The following XKR9 variants were observed in gnomAD, a reference collection of about 807,000 sequenced individuals.
The protein encoded by XKR9 is XK-related protein 9.
A neutral mutation model predicts 32.0 loss-of-function variants in XKR9; 32 were observed. The observed-to-expected ratio is 1.00, with a 90% confidence interval of 0.76 to 1.34. The LOEUF (loss-of-function observed/expected upper bound fraction) is 1.34, where lower values mean the gene tolerates loss of function less well. Ranked by LOEUF, XKR9 falls within the 40% of genes most tolerant of loss-of-function variation. The pLI is 0.00. For missense variants in XKR9, 546 were observed against 429.7 expected, an observed-to-expected ratio of 1.27 and a Z score of -2.39; for synonymous variants, 168 against 143.4, an observed-to-expected ratio of 1.17 and a Z score of -1.22.
At chr8:70,756,232 T>G (rs959143008) in intron 2 of XKR9, among the ~76,000 whole-genome samples, 2 of 152,242 alleles carry the variant, frequency 1.3e-5, no homozygotes, top group Non-Finnish European at 2.9e-5. Flanking sequence ...TCTATATATC[T>G]GTTCTTTTGT....
At chr8:70,982,841 T>C in the XKR9 span, among the ~76,000 whole-genome samples, 2 of 152,228 alleles carry the variant, frequency 1.3e-5, no homozygotes, top group African/African-American at 4.8e-5. Flanking sequence ...TTAATCTGAA[T>C]CATCTCTCTA....
At chr8:70,834,470 A>G in the XKR9 span, among the ~76,000 whole-genome samples, 1 of 152,100 alleles carries the variant, frequency 6.6e-6, no homozygotes, top group African/African-American at 2.4e-5. Flanking sequence ...TGATTCTCCT[A>G]TCCTGTTGCA....
the XKR9 span, among the ~76,000 whole-genome samples, chr8:71,040,862 C>T: frequency 9.2e-5 from 14 of 152,032 alleles, no homozygotes; most frequent in African/African-American, 3.4e-4. Flanking sequence ...GGTTGGATTG[C>T]TGTCCTTGTG....
chr8:71,060,695 GA>G, the XKR9 span, among the ~76,000 whole-genome samples: 1 of 151,624 alleles, frequency 6.6e-6, no homozygotes, highest in African/African-American at 2.4e-5. Context: ...GCATGCCCTA[GA>G]AAAAAAACAA....
chr8:70,911,996 C>A, the XKR9 span, among the ~76,000 whole-genome samples: 1 of 152,114 alleles, frequency 6.6e-6, no homozygotes, highest in Non-Finnish European at 1.5e-5. Flanking sequence ...TAAGTCAACA[C>A]CTGAAAGATG....
Position 70,733,898 on chromosome 8 carries a change from T to G in XKR9, c.596T>G (p.Leu199Ter), listed in dbSNP as rs371488104. Residue 199 changes from leucine to a stop codon, truncating the protein, a stop_gained, in exon 5 of 5, where the codon TTA becomes TGA. Coordinates refer to ENST00000408926, the MANE Select transcript of XKR9 (RefSeq NM_001011720.2). LOFTEE classifies it high-confidence loss of function. ...SLPDKKLLNGLCPKITYLFYK... is the reference protein window; with the variant it reads ...SLPDKKLLNG ...CCTGACAAAAAGCTTCTTAATGGAT[T>G]ATGTCCCAAAATCACATATCTCTTT... 17 of 1,612,784 alleles carry G rather than the reference T, an allele frequency of 1.1e-5. No individual in the cohort carries two copies. Among genetic ancestry groups the G allele is most frequent in the Middle Eastern group, 1.7e-4 (1 of 6,054 alleles).
intron 2 of XKR9, among the ~76,000 whole-genome samples, chr8:70,759,033 A>T (rs1807268793): frequency 6.6e-6 from 1 of 152,240 alleles, no homozygotes; most frequent in Non-Finnish European, 1.5e-5. Context: ...TATATTATGC[A>T]AATGACTATT....
chr8:70,786,948 G>C (rs6993115), intron 2 of XKR9, among the ~76,000 whole-genome samples: 61,376 of 151,872 alleles, frequency 0.4, 13,938 homozygotes, highest in Non-Finnish European at 0.52. Context: ...AGTATTTTTG[G>C]TTTGTGGTTA....
At chr8:70,921,981 T>G in the XKR9 span, among the ~76,000 whole-genome samples, 1 of 152,158 alleles carries the variant, frequency 6.6e-6, no homozygotes, top group Non-Finnish European at 1.5e-5. Context: ...GAAGTGACTT[T>G]GTAATGACTG....
chr8:70,882,936 C>T, the XKR9 span, among the ~76,000 whole-genome samples: 5 of 149,088 alleles, frequency 3.4e-5, no homozygotes. Flanking sequence ...CTTATTCTCC[C>T]CCTGAACCTT....
At chr8:70,962,431 G>T in the XKR9 span, among the ~76,000 whole-genome samples, 1 of 152,056 alleles carries the variant, frequency 6.6e-6, no homozygotes, top group Non-Finnish European at 1.5e-5. Flanking sequence ...CCATTGTTTA[G>T]CTGCCACTTA....
chr8:70,758,033 A>AT (rs781599453), intron 2 of XKR9, among the ~76,000 whole-genome samples: 1 of 151,886 alleles, frequency 6.6e-6, no homozygotes, highest in Non-Finnish European at 1.5e-5. Flanking sequence ...TTGCCTCATA[A>AT]TTTTTTGTTG....
intron 2 of XKR9, among the ~76,000 whole-genome samples, chr8:70,781,449 A>G (rs780317386): frequency 9.2e-5 from 14 of 151,436 alleles, no homozygotes; most frequent in Admixed American, 2.0e-4. Flanking sequence ...ACAGGGTGAT[A>G]TTCCGATACA....
Position 70,688,210 on chromosome 8 carries a change from G to T in XKR9, c.272+6880G>T, listed in dbSNP as rs141275520. ...TGGTCAAATCTTCAGAAGTATATTA[G>T]TAGAAACAGAGGTAGACCCTGGGAG... is the stretch of plus-strand genomic sequence containing the variant. On this transcript the variant is annotated intron_variant, in intron 3 of 4. Transcript: ENST00000408926. Among the ~76,000 whole-genome samples the T allele has an allele frequency of 3.6e-4, 55 of 152,280 alleles. No individual in the cohort carries two copies. The East Asian group carries it at 0.01, about 28-fold the overall frequency.
chr8:70,983,052 A>G, the XKR9 span, among the ~76,000 whole-genome samples: 2 of 152,150 alleles, frequency 1.3e-5, no homozygotes, highest in Non-Finnish European at 2.9e-5. Context: ...TTAAATTCTC[A>G]AATATGAAGT....
chr8:71,003,672 T>G, the XKR9 span, among the ~76,000 whole-genome samples: 1 of 152,180 alleles, frequency 6.6e-6, no homozygotes, highest in Non-Finnish European at 1.5e-5. Flanking sequence ...TTGATAAATA[T>G]TGGTTAAGTG....
At chr8:70,831,681 A>T in the XKR9 span, among the ~76,000 whole-genome samples, 1 of 152,112 alleles carries the variant, frequency 6.6e-6, no homozygotes, top group African/African-American at 2.4e-5. Flanking sequence ...TATGAAACTT[A>T]TATTCAGATT....
At chr8:71,046,890 C>G in the XKR9 span, among the ~76,000 whole-genome samples, 1 of 152,142 alleles carries the variant, frequency 6.6e-6, no homozygotes, top group Non-Finnish European at 1.5e-5. Context: ...TCCTTTGAGT[C>G]CTCTTCATCT....
chr8:70,752,978 G>A (rs1807163887), intron 2 of XKR9, among the ~76,000 whole-genome samples: 1 of 152,180 alleles, frequency 6.6e-6, no homozygotes, highest in Admixed American at 6.5e-5. Context: ...GAATCCAGGA[G>A]CTGATTTTTT....
Sources: gnomAD v4.1 joint callset for allele counts (sites outside exome capture counted in the v4.1 genomes callset) on GRCh38, gnomAD v4.1.1 for gene constraint, MANE v1.5 for transcripts, NCBI Gene and HGNC (gene_info 2026-07-23, HGNC 2026-07-21) for gene names.